FBXL14: variants seen among roughly 807,000 people sequenced by gnomAD.
FBXL14 encodes F-box and leucine rich repeat protein 14, also known as F-box/LRR-repeat protein 14.
In FBXL14, 11 loss-of-function variants were observed where a neutral mutation model predicts 24.5. That is an observed-to-expected ratio of 0.45 (90% CI 0.28 to 0.74). The LOEUF is 0.74. FBXL14 is among the 30% of genes least tolerant of loss of function. FBXL14 has a pLI of 0.12. For missense variants in FBXL14, 384 were observed against 545.6 expected (o/e 0.70, Z 2.95); for synonymous variants, 294 against 240.4 (o/e 1.22, Z -2.06).
chr12:1,566,524 A>C lies in FBXL14; in HGVS notation c.*224T>G, dbSNP rs765740414. On this transcript the variant is annotated 3_prime_UTR_variant, in exon 2 of 2. Transcript: ENST00000339235. ...AAAAGCAAGTCTCCTTGGATCCATA[A>C]AGGAAGCGAGGTCTCAGAGCAAACC... 5.3e-5 allele frequency: 24 copies of C among 457,142 alleles called. No homozygotes were observed. Among genetic ancestry groups the C allele is most frequent in the Non-Finnish European group, 8.5e-5 (22 of 258,376 alleles). 28.3% of individuals were successfully genotyped at this position (457,142 alleles called of 1,614,324 possible).
Position 1,593,925 on chromosome 12 carries a change from C to A in FBXL14, c.142G>T (p.Val48Leu). 2 of 1,574,422 alleles carry A rather than the reference C, an allele frequency of 1.3e-6. No homozygotes were observed. The highest frequency in any genetic ancestry group is 1.7e-6 in the Non-Finnish European group (2 of 1,167,334). ...CGGCGCAGGTGCAGCTTGGCCTCCA[C>A]CCCCCGCCACACCGACTTGTGGTAG... ...AAYHKSVWRGVEAKLHLRRAN... is the reference protein window; with the variant it reads ...AAYHKSVWRGLEAKLHLRRAN... The change falls in exon 1 of 2, where the codon GTG (valine) becomes TTG (leucine). Residue 48 changes from valine to leucine, a missense_variant. Physicochemically the swap from Val to Leu is conservative, Grantham distance 32. Transcript: ENST00000339235. This position sits in a 1 kb window ranked among gnomAD's most constrained non-coding sequence, Gnocchi z 7.4.
intron 1 of FBXL14, among the ~76,000 whole-genome samples, chr12:1,583,968 CAGA>C (rs2094471766): frequency 6.6e-6 from 1 of 151,956 alleles, no homozygotes; most frequent in Non-Finnish European, 1.5e-5. Flanking sequence ...AGCAACAGTC[CAGA>C]AGGAGACAAT....
intron 1 of FBXL14, among the ~76,000 whole-genome samples, chr12:1,587,009 G>A (rs146204557): frequency 0.037 from 5,670 of 152,038 alleles, 326 homozygotes; most frequent in African/African-American, 0.13. Flanking sequence ...AGGCCGAGGC[G>A]GGCGGATCAC....
intron 1 of FBXL14, among the ~76,000 whole-genome samples, chr12:1,581,142 C>T (rs1009312682): frequency 6.6e-6 from 1 of 151,700 alleles, no homozygotes; most frequent in Admixed American, 6.6e-5. Context: ...TCATAGACGG[C>T]GACAGGAAAT....
chr12:1,571,465 C>A (rs1227436234), intron 1 of FBXL14, among the ~76,000 whole-genome samples: 1 of 152,212 alleles, frequency 6.6e-6, no homozygotes, highest in Non-Finnish European at 1.5e-5. Context: ...GCCTCAGCCT[C>A]CCAAAGTGCT....
At position 1,567,903 on chromosome 12, in the gene FBXL14, GCACA is replaced by G. The variant is rs1388149945; in HGVS notation, c.1195-1097_1195-1094del. Among the ~76,000 whole-genome samples the G allele has an allele frequency of 2.6e-5, 4 of 152,206 alleles. No homozygotes were observed. The highest frequency in any genetic ancestry group is 7.2e-5 in the African/African-American group (3 of 41,448). On this transcript the variant is annotated intron_variant, in intron 1 of 1. Coordinates refer to ENST00000339235, the MANE Select transcript of FBXL14 (RefSeq NM_152441.3). The surrounding 1 kb of genome is among the most constrained non-coding windows in gnomAD (Gnocchi z 4.8). Reference sequence around the variant, plus strand: ...CACGCACACGCGCGCACACACGTGCGCACACACACAGAACAGAATATCCAAGAAC... The same window carrying G: ...CACGCACACGCGCGCACACACGTGCGCACACAGAACAGAATATCCAAGAAC...
intron 1 of FBXL14, among the ~76,000 whole-genome samples, chr12:1,577,659 C>T (rs2094458586): frequency 6.6e-6 from 1 of 152,184 alleles, no homozygotes; most frequent in Non-Finnish European, 1.5e-5. Context: ...ACGTTGAGGG[C>T]AGGGCAGGGT....
Position 1,569,888 on chromosome 12 carries a change from G to A in FBXL14, c.1195-3078C>T, listed in dbSNP as rs1252723700. 6.6e-6 allele frequency among the ~76,000 whole-genome samples: 1 copy of A among 152,164 alleles called. No individual in the cohort carries two copies. The highest frequency in any genetic ancestry group is 1.5e-5 in the Non-Finnish European group (1 of 68,030). ...ACACAGAGCCAAGGGAGGGCAGGGC[G>A]CACCACATGCCCACTGCAGAGCCAG... On this transcript the variant is annotated intron_variant, in intron 1 of 1. Transcript: ENST00000339235. This position sits in a 1 kb window ranked among gnomAD's most constrained non-coding sequence, Gnocchi z 4.2.
rs374039375 is a variant in FBXL14 at position 1,576,743 on chromosome 12, G to A, written c.1195-9933C>T. Among the ~76,000 whole-genome samples the A allele has an allele frequency of 7.9e-5, 12 of 152,292 alleles. No individual in the cohort carries two copies. In the East Asian group the frequency reaches 1.7e-3, roughly 22 times the overall value. On this transcript the variant is annotated intron_variant, in intron 1 of 1. Transcript: ENST00000339235. ...CACTCAAGAAAGCAGACCTCCATAC[G>A]CGTAAGTGGGAGATGGTGCTCTGTC...
At chr12:1,592,792 G>T in intron 1 of FBXL14, 81 bp downstream of exon 1, 1 of 1,184,872 alleles carries the variant, frequency 8.4e-7, no homozygotes. Flanking sequence ...GTAAGTGTGC[G>T]TGTGAGTGTG....
At chr12:1,581,688 G>A (rs921611850) in intron 1 of FBXL14, among the ~76,000 whole-genome samples, 1 of 152,322 alleles carries the variant, frequency 6.6e-6, no homozygotes, top group African/African-American at 2.4e-5. Context: ...GACATTTTCA[G>A]GCTTGCAGTG....
chr12:1,573,866 G>C (rs111396073), intron 1 of FBXL14, among the ~76,000 whole-genome samples: 1 of 152,272 alleles, frequency 6.6e-6, no homozygotes, highest in African/African-American at 2.4e-5. Flanking sequence ...TTAGCTGGGC[G>C]TGGTGGCGCA....
At position 1,593,807 on chromosome 12, in the gene FBXL14, T is replaced by C. The variant is rs1217503106; in HGVS notation, c.260A>G (p.Gln87Arg). The change falls in exon 1 of 2, where the codon CAG becomes CGG. Residue 87 changes from glutamine to arginine, a missense_variant. Physicochemically the swap from Gln to Arg is conservative, Grantham distance 43. Transcript: ENST00000339235. This position sits in a 1 kb window ranked among gnomAD's most constrained non-coding sequence, Gnocchi z 7.4. ...GAGGCTCTCGATGTTGGCCATGCCCTGGATCACGTAGCTGAGGCTGCGGCG... is the reference window on the plus strand; with the variant it reads ...GAGGCTCTCGATGTTGGCCATGCCCCGGATCACGTAGCTGAGGCTGCGGCG... ...SLRRSLSYVIQGMANIESLNL... is the reference protein window; with the variant it reads ...SLRRSLSYVIRGMANIESLNL... 1 of 1,614,130 alleles carries C rather than the reference T, an allele frequency of 6.2e-7. No individual in the cohort carries two copies. Among genetic ancestry groups the C allele is most frequent in the South Asian group, 1.1e-5 (1 of 91,086 alleles).
chr12:1,582,852 G>A (rs927760062), intron 1 of FBXL14, among the ~76,000 whole-genome samples: 1 of 152,148 alleles, frequency 6.6e-6, no homozygotes, highest in Non-Finnish European at 1.5e-5. Flanking sequence ...AGGCTGTTGA[G>A]TACCAGGAGG....
At position 1,594,537 on chromosome 12, in the gene FBXL14, G is replaced by T. The variant is rs897681177; in HGVS notation, c.-471C>A. Among the ~76,000 whole-genome samples the T allele has an allele frequency of 6.8e-6, 1 of 147,880 alleles. No individual in the cohort carries two copies. The highest frequency in any genetic ancestry group is 1.5e-5 in the Non-Finnish European group (1 of 66,304). ...CGGGGGCCGGGCGCACGGGCTCCGG[G>T]CGCGGAGGAGGCTTCCTGCTGCCTT... On this transcript the variant is annotated 5_prime_UTR_variant, in exon 1 of 2. Transcript: ENST00000339235.
intron 1 of FBXL14, among the ~76,000 whole-genome samples, chr12:1,578,639 T>C (rs2094460394): frequency 6.6e-6 from 1 of 151,962 alleles, no homozygotes; most frequent in African/African-American, 2.4e-5. Flanking sequence ...ACGCCGTCTC[T>C]AAAATAAAAT....
chr12:1,589,282 T>G (rs1281931810), intron 1 of FBXL14, among the ~76,000 whole-genome samples: 1 of 147,644 alleles, frequency 6.8e-6, no homozygotes, highest in Non-Finnish European at 1.5e-5. Context: ...GCCTGTAGTC[T>G]CAGCTACTCA....
intron 1 of FBXL14, among the ~76,000 whole-genome samples, chr12:1,585,822 G>T (rs530247739): frequency 2.0e-5 from 3 of 152,364 alleles, no homozygotes; most frequent in East Asian, 3.9e-4. Context: ...CTTGAATGAA[G>T]AGAAAATAGC....
intron 1 of FBXL14, among the ~76,000 whole-genome samples, chr12:1,592,502 C>G (rs1246951385): frequency 1.3e-5 from 2 of 152,154 alleles, no homozygotes; most frequent in African/African-American, 4.8e-5. Context: ...CTCAACTCCC[C>G]AGGGTTGAAA....
Sources: allele counts gnomAD v4.1 joint callset (sites outside exome capture counted in the v4.1 genomes callset), GRCh38; gene constraint gnomAD v4.1.1; non-coding constraint Gnocchi (gnomAD v3.1); transcripts MANE v1.5; gene names NCBI Gene and HGNC (gene_info 2026-07-23, HGNC 2026-07-21).